Variants in PRKG1 observed in about 807,000 individuals in gnomAD.
PRKG1 encodes cGMP-dependent protein kinase 1.
PRKG1 carries 35 observed loss-of-function variants against 88.1 expected under a neutral mutation model. The observed-to-expected ratio is 0.40, with a 90% CI of 0.30 to 0.53. The LOEUF (loss-of-function observed/expected upper bound fraction) is 0.53, where lower values mean the gene tolerates loss of function less well. PRKG1 is among the 20% of genes least tolerant of loss of function. The probability of loss-of-function intolerance (pLI) is 0.59; values close to 1 mark genes in which losing one functional copy is unlikely to be tolerated. For missense variants in PRKG1, 540 were observed against 839.8 expected, an observed-to-expected ratio of 0.64 and a Z score of 4.41; for synonymous variants, 303 against 292.5, an observed-to-expected ratio of 1.04 and a Z score of -0.37.
chr10:52,198,465 G>GTCCC (rs1409256785), intron 9 of PRKG1, among the ~76,000 whole-genome samples: 1 of 152,086 alleles, frequency 6.6e-6, no homozygotes, highest in Non-Finnish European at 1.5e-5. Context: ...ATGACTTCAG[G>GTCCC]AAGGAAGAAA....
At chr10:51,386,320 T>C (rs1008092944) in intron 2 of PRKG1, among the ~76,000 whole-genome samples, 2 of 152,130 alleles carry the variant, frequency 1.3e-5, no homozygotes, top group South Asian at 2.1e-4. Context: ...CGTTAAGGAA[T>C]TGGCTCACAC....
chr10:51,478,084 C>G (rs1840250830), intron 3 of PRKG1, among the ~76,000 whole-genome samples: 1 of 152,004 alleles, frequency 6.6e-6, no homozygotes, highest in South Asian at 2.1e-4. Context: ...GTTGCCATCA[C>G]TTCTCTCCTG....
intron 14 of PRKG1, among the ~76,000 whole-genome samples, chr10:52,285,447 G>A (rs1385239722): frequency 6.6e-6 from 1 of 152,076 alleles, no homozygotes; most frequent in African/African-American, 2.4e-5. Context: ...AAACAGCCAT[G>A]ATGAAACTAA....
intron 3 of PRKG1, among the ~76,000 whole-genome samples, chr10:51,649,417 A>C (rs559621002): frequency 6.6e-6 from 1 of 152,268 alleles, no homozygotes; most frequent in South Asian, 2.1e-4. Flanking sequence ...TGATCCCCAA[A>C]GTATCTTTAT....
At chr10:51,344,680 G>A (rs1182171447) in intron 2 of PRKG1, among the ~76,000 whole-genome samples, 1 of 151,642 alleles carries the variant, frequency 6.6e-6, no homozygotes, top group African/African-American at 2.4e-5. Flanking sequence ...TTTTTTCACT[G>A]TCTTATAAAT....
chr10:51,613,521 G>A (rs997249503), intron 3 of PRKG1, among the ~76,000 whole-genome samples: 1 of 151,336 alleles, frequency 6.6e-6, no homozygotes, highest in African/African-American at 2.4e-5. Flanking sequence ...ACTTAGTTCT[G>A]TTCTGATCTT....
chr10:51,596,904 G>A (rs891258509), intron 3 of PRKG1, among the ~76,000 whole-genome samples: 2 of 152,034 alleles, frequency 1.3e-5, no homozygotes, highest in African/African-American at 4.8e-5. Context: ...GCAACACCAG[G>A]CACTAGCAAG....
intron 9 of PRKG1, among the ~76,000 whole-genome samples, chr10:52,163,333 T>C (rs917331678): frequency 2.7e-5 from 4 of 148,604 alleles, no homozygotes; most frequent in African/African-American, 9.8e-5. Context: ...TTATATGTAT[T>C]ACAATTTATA....
chr10:52,293,589 TCATA>T (rs1842317865), intron 17 of PRKG1, among the ~76,000 whole-genome samples: 2 of 152,126 alleles, frequency 1.3e-5, no homozygotes, highest in African/African-American at 4.8e-5. Flanking sequence ...TTTGTTTTAA[TCATA>T]CAGTTTATTA....
Position 51,088,841 on chromosome 10 carries a change from A to G in PRKG1, c.311+13940A>G, listed in dbSNP as rs1844325926. 2.0e-5 allele frequency among the ~76,000 whole-genome samples: 3 copies of G among 149,350 alleles called. No homozygotes were observed. In the South Asian group the frequency reaches 6.3e-4, roughly 31 times the overall value. On this transcript the variant is annotated intron_variant, in intron 1 of 17. Coordinates refer to ENST00000373980, the MANE Select transcript of PRKG1 (RefSeq NM_006258.4). ...TTTTTTTTTTTGTCAAATGAAGGAC[A>G]AGATAAAACCTCTTCATGTTTCTGG... is the stretch of plus-strand genomic sequence containing the variant.
At chr10:51,348,028 A>T (rs1842154086) in intron 2 of PRKG1, among the ~76,000 whole-genome samples, 1 of 152,108 alleles carries the variant, frequency 6.6e-6, no homozygotes. Context: ...ATGCCACTGC[A>T]CTCCAGCCTG....
chr10:51,818,034 A>G (rs990575180), intron 4 of PRKG1, among the ~76,000 whole-genome samples: 6 of 152,164 alleles, frequency 3.9e-5, no homozygotes, highest in African/African-American at 1.4e-4. Context: ...TTGGACACCT[A>G]TCTCAACAGA....
At chr10:51,827,141 T>C (rs1044497931) in intron 4 of PRKG1, among the ~76,000 whole-genome samples, 1 of 152,172 alleles carries the variant, frequency 6.6e-6, no homozygotes, top group Non-Finnish European at 1.5e-5. Context: ...CACAATTGTA[T>C]GTTTGTTTAT....
intron 1 of PRKG1, among the ~76,000 whole-genome samples, chr10:51,020,271 G>A (rs2132733885): frequency 6.6e-6 from 1 of 152,246 alleles, no homozygotes; most frequent in African/African-American, 2.4e-5. Context: ...TGAGATTACA[G>A]GCATGTTGAG....
chr10:52,292,221 A>G (rs550847015), intron 17 of PRKG1, among the ~76,000 whole-genome samples: 96 of 149,456 alleles, frequency 6.4e-4, no homozygotes, highest in African/African-American at 1.9e-3. Context: ...TTGCCTGTTC[A>G]CTCTGATGGT....
intron 8 of PRKG1, among the ~76,000 whole-genome samples, chr10:52,135,336 A>T (rs1837378761): frequency 6.6e-6 from 1 of 152,166 alleles, no homozygotes; most frequent in South Asian, 2.1e-4. Context: ...GTGCTGTAAC[A>T]AGTTCACAAG....
At chr10:51,948,553 T>TGC (rs1183466134) in intron 5 of PRKG1, among the ~76,000 whole-genome samples, 1,708 of 68,804 alleles carry the variant, frequency 0.025, 30 homozygotes, top group African/African-American at 0.075. Context: ...TGTGTGCGTG[T>TGC]GTGTGTGTGT....
chr10:52,062,034 A>G (rs970609853), intron 6 of PRKG1, among the ~76,000 whole-genome samples: 1 of 152,200 alleles, frequency 6.6e-6, no homozygotes, highest in Admixed American at 6.5e-5. Flanking sequence ...AAATATATTT[A>G]CATAATGAAA....
intron 1 of PRKG1, among the ~76,000 whole-genome samples, chr10:51,018,926 A>C (rs1843101051): frequency 6.6e-6 from 1 of 152,236 alleles, no homozygotes; most frequent in Non-Finnish European, 1.5e-5. Context: ...AAACAAGAAA[A>C]TTGTTACTTA....
Sources: gnomAD v4.1 joint callset for allele counts (sites outside exome capture counted in the v4.1 genomes callset) on GRCh38, gnomAD v4.1.1 for gene constraint, MANE v1.5 for transcripts, NCBI Gene and HGNC (gene_info 2026-07-23, HGNC 2026-07-21) for gene names.